The following HRH1 variants were observed in gnomAD, a reference collection of about 807,000 sequenced individuals.
HRH1 encodes the protein histamine H1 receptor.
HRH1 carries 6 observed loss-of-function variants against 10.3 expected under a neutral mutation model. That is an observed-to-expected ratio of 0.58 (90% confidence interval 0.32 to 1.15). The LOEUF is 1.15. Ranked by LOEUF, HRH1 falls within the 50% of genes most tolerant of loss-of-function variation. The pLI, the probability that HRH1 is intolerant of heterozygous loss-of-function variation, is 0.05. For synonymous variants in HRH1, 242 were observed against 236.7 expected, an observed-to-expected ratio of 1.02 and a Z score of -0.21; for missense variants, 514 against 615.3, an observed-to-expected ratio of 0.84 and a Z score of 1.74.
intron 1 of HRH1, among the ~76,000 whole-genome samples, chr3:11,230,533 C>G (rs1242781754): frequency 6.6e-6 from 1 of 152,190 alleles, no homozygotes; most frequent in East Asian, 1.9e-4. Flanking sequence ...GTGTAAAAGC[C>G]CTTGCTACAC....
At chr3:11,158,372 T>G (rs1936858755) in intron 1 of HRH1, among the ~76,000 whole-genome samples, 1 of 152,318 alleles carries the variant, frequency 6.6e-6, no homozygotes, top group East Asian at 1.9e-4. Context: ...AGGCAGAAAT[T>G]ATTATCCATG....
intron 1 of HRH1, among the ~76,000 whole-genome samples, chr3:11,228,473 A>G (rs1247780003): frequency 6.6e-6 from 1 of 152,164 alleles, no homozygotes; most frequent in East Asian, 1.9e-4. Flanking sequence ...CCTCAGCATC[A>G]GTATTTTTTT....
At chr3:11,205,605 A>C (rs542508873) in intron 1 of HRH1, among the ~76,000 whole-genome samples, 2 of 151,976 alleles carry the variant, frequency 1.3e-5, no homozygotes, top group Non-Finnish European at 2.9e-5. Flanking sequence ...GAGCTCTCCC[A>C]GCACCCCATG....
chr3:11,167,884 C>A (rs918839793), intron 1 of HRH1, among the ~76,000 whole-genome samples: 2 of 152,210 alleles, frequency 1.3e-5, no homozygotes, highest in African/African-American at 4.8e-5. Context: ...TTAATATTTT[C>A]TCTGCCCAAT....
At chr3:11,212,235 G>A (rs1337852123) in intron 1 of HRH1, among the ~76,000 whole-genome samples, 1 of 152,130 alleles carries the variant, frequency 6.6e-6, no homozygotes, top group Non-Finnish European at 1.5e-5. Context: ...ATGTGAGAAG[G>A]CTCTGCCTTC....
At chr3:11,149,762 G>A (rs950439707), upstream of HRH1, among the ~76,000 whole-genome samples, 1 of 152,264 alleles carries the variant, frequency 6.6e-6, no homozygotes, top group Non-Finnish European at 1.5e-5. Context: ...GCCATTACAT[G>A]TTCTCCTACA....
upstream of HRH1, chr3:11,154,473 C>A (rs1447737941): frequency 3.1e-5 from 1 of 32,456 alleles, no homozygotes. The surrounding 1 kb of genome is among the most constrained non-coding windows in gnomAD (Gnocchi z 4.4). Flanking sequence ...CTCCCCGGCG[C>A]CCCCGCCGCC....
chr3:11,144,678 G>A (rs1936391876), intron 1 of HRH1, among the ~76,000 whole-genome samples: 1 of 151,432 alleles, frequency 6.6e-6, no homozygotes, highest in Non-Finnish European at 1.5e-5. Context: ...GGTCTTCCTG[G>A]GACAAACACA....
chr3:11,138,867 G>C (rs939791450), intron 1 of HRH1, among the ~76,000 whole-genome samples: 1 of 150,868 alleles, frequency 6.6e-6, no homozygotes, highest in Admixed American at 6.6e-5. Flanking sequence ...TAGAGACAGG[G>C]TTTTGCCATG....
chr3:11,196,953 C>CAAAAA (rs35134148), intron 1 of HRH1, among the ~76,000 whole-genome samples: 6 of 110,468 alleles, frequency 5.4e-5, no homozygotes, highest in South Asian at 3.3e-4. Context: ...ACTAAAAATA[C>CAAAAA]AAAAAAAAAA....
intron 1 of HRH1, among the ~76,000 whole-genome samples, chr3:11,229,722 T>C (rs544716534): frequency 2.1e-4 from 32 of 152,310 alleles, no homozygotes; most frequent in Admixed American, 2.0e-3. Flanking sequence ...TAGAATTAAA[T>C]CACATTGTTT....
At chr3:11,180,942 C>G (rs1296967612) in intron 1 of HRH1, among the ~76,000 whole-genome samples, 1 of 139,328 alleles carries the variant, frequency 7.2e-6, no homozygotes, top group Non-Finnish European at 1.5e-5. Flanking sequence ...ACACTTCTCT[C>G]AGGCATACAC....
chr3:11,259,290 A>G lies in HRH1; in HGVS notation c.253A>G (p.Ile85Val). 1 of 1,612,422 alleles carries G rather than the reference A, an allele frequency of 6.2e-7. No individual in the cohort carries two copies. Among genetic ancestry groups the G allele is most frequent in the Non-Finnish European group, 8.5e-7 (1 of 1,179,610 alleles). The stretch of plus-strand genomic sequence containing the variant: ...GGGTGCCGTCGTCATGCCTATGAAC[A>G]TCCTCTACCTGCTCATGTCCAAGTG... The part of the protein sequence containing the change: ...IVGAVVMPMN[I>V]LYLLMSKWSL... Residue 85 changes from isoleucine (I) to valine (V), a missense_variant, in exon 2 of 2, where the codon ATC becomes GTC. Transcript: ENST00000431010. This position sits in a 1 kb window ranked among gnomAD's most constrained non-coding sequence, Gnocchi z 4.6.
Position 11,263,355 on chromosome 3 carries a change from G to C in HRH1, c.*2854G>C, listed in dbSNP as rs1165980787. On this transcript the variant is annotated 3_prime_UTR_variant, in exon 2 of 2. Coordinates refer to ENST00000431010, the MANE Select transcript of HRH1 (RefSeq NM_001098212.2). ...TTAACTCAGCATGAAAAAGATGCTG[G>C]GATGCTCCTGGCTATTTATGCACCC... is the stretch of plus-strand genomic sequence containing the variant. 10 of 167,058 alleles carry C rather than the reference G, an allele frequency of 6.0e-5. No individual in the cohort carries two copies. The highest frequency in any genetic ancestry group is 2.4e-4 in the African/African-American group (10 of 41,434). The allele number at this position is 167,058 out of a possible 1,614,324, so 10.3% of individuals were successfully genotyped here. A position where few individuals can be genotyped will look rare whatever the true frequency, so the allele number is the denominator to read the frequency against.
chr3:11,233,198 C>T (rs923763774), intron 1 of HRH1, among the ~76,000 whole-genome samples: 5 of 152,140 alleles, frequency 3.3e-5, no homozygotes, highest in African/African-American at 1.2e-4. Context: ...TCATTGCCAC[C>T]CTCTTTCTCA....
intron 1 of HRH1, among the ~76,000 whole-genome samples, chr3:11,144,361 G>A (rs1271266777): frequency 1.5e-5 from 1 of 67,642 alleles, no homozygotes; most frequent in Non-Finnish European, 2.6e-5. Context: ...GTGTGTGTGT[G>A]TGTGTGTGTA....
At chr3:11,199,151 G>A (rs890398755) in intron 1 of HRH1, among the ~76,000 whole-genome samples, 5 of 152,050 alleles carry the variant, frequency 3.3e-5, no homozygotes, top group Non-Finnish European at 5.9e-5. Context: ...AACTCCTGGA[G>A]GCTGGTCTTG....
chr3:11,224,397 A>C (rs1281440304), intron 1 of HRH1, among the ~76,000 whole-genome samples: 2 of 152,186 alleles, frequency 1.3e-5, no homozygotes, highest in Non-Finnish European at 2.9e-5. Context: ...ATTTCGGGTT[A>C]AGAAATTGGA....
At chr3:11,149,506 A>G (rs1312740372), upstream of HRH1, among the ~76,000 whole-genome samples, 1 of 152,254 alleles carries the variant, frequency 6.6e-6, no homozygotes, top group Non-Finnish European at 1.5e-5. Flanking sequence ...AGAAGGCACG[A>G]AAGAGCTATC....
Sources: gnomAD v4.1 joint callset for allele counts (sites outside exome capture counted in the v4.1 genomes callset) on GRCh38, gnomAD v4.1.1 for gene constraint, Gnocchi (gnomAD v3.1) non-coding constraint, MANE v1.5 for transcripts, NCBI Gene and HGNC (gene_info 2026-07-23, HGNC 2026-07-21) for gene names.